Variants in GPR141 observed in about 807,000 individuals in gnomAD.
GPR141 encodes the protein G protein-coupled receptor 141.
Under a neutral mutation model 6.8 loss-of-function variants are expected in GPR141, and 6 were observed. That is an observed-to-expected ratio of 0.88 (90% confidence interval 0.48 to 1.74). The LOEUF is 1.74. Ranked by LOEUF, GPR141 falls within the 40% of genes most tolerant of loss-of-function variation. The pLI, the probability that GPR141 is intolerant of heterozygous loss-of-function variation, is 0.01. For missense variants in GPR141, 372 were observed against 372.9 expected (o/e 1.00, Z 0.02); for synonymous variants, 140 against 142.3 (o/e 0.98, Z 0.11).
At chr7:37,736,532 A>G (rs1192501520) in intron 2 of GPR141, among the ~76,000 whole-genome samples, 6 of 151,068 alleles carry the variant, frequency 4.0e-5, no homozygotes, top group African/African-American at 1.5e-4. Flanking sequence ...GTGCAAAAAA[A>G]TCTTTCTTAA....
chr7:37,736,049 A>G (rs535567363), intron 2 of GPR141, among the ~76,000 whole-genome samples: 2 of 152,144 alleles, frequency 1.3e-5, no homozygotes, highest in Non-Finnish European at 2.9e-5. Context: ...ACTTGAGGTC[A>G]GGAGTTTGAG....
intron 2 of GPR141, among the ~76,000 whole-genome samples, chr7:37,702,134 G>A (rs1167216839): frequency 6.6e-6 from 1 of 151,996 alleles, no homozygotes; most frequent in Non-Finnish European, 1.5e-5. Context: ...TTTAAAACAT[G>A]TCTAAATAAT....
intron 2 of GPR141, among the ~76,000 whole-genome samples, chr7:37,730,749 C>G (rs1487145458): frequency 6.6e-6 from 1 of 152,248 alleles, no homozygotes; most frequent in East Asian, 1.9e-4. Context: ...CAGACATTCT[C>G]TTGGCTTTCC....
chr7:37,708,321 A>C (rs866682926), intron 2 of GPR141, among the ~76,000 whole-genome samples: 2 of 151,072 alleles, frequency 1.3e-5, no homozygotes, highest in African/African-American at 4.9e-5. Flanking sequence ...AAAAAAAAAA[A>C]AAAAAAAAAA....
At chr7:37,712,858 A>G (rs891940537) in intron 2 of GPR141, among the ~76,000 whole-genome samples, 2 of 152,174 alleles carry the variant, frequency 1.3e-5, no homozygotes, top group African/African-American at 4.8e-5. Flanking sequence ...GTGGCTCTGC[A>G]GAGCTCAGCT....
intron 2 of GPR141, among the ~76,000 whole-genome samples, chr7:37,711,163 A>T (rs1810776540): frequency 6.6e-6 from 1 of 152,188 alleles, no homozygotes; most frequent in Non-Finnish European, 1.5e-5. Flanking sequence ...GGTGATCTAA[A>T]TCAATGGTTC....
At chr7:37,695,705 C>G (rs1032906269) in intron 2 of GPR141, among the ~76,000 whole-genome samples, 5 of 152,074 alleles carry the variant, frequency 3.3e-5, no homozygotes, top group African/African-American at 1.2e-4. Flanking sequence ...GTTATTTATT[C>G]ATTGTTTTGT....
At chr7:37,691,757 A>G (rs1002664878) in intron 2 of GPR141, among the ~76,000 whole-genome samples, 2 of 152,030 alleles carry the variant, frequency 1.3e-5, no homozygotes, top group African/African-American at 4.8e-5. Flanking sequence ...AGATGTTTTT[A>G]TCTCCATTTC....
intron 2 of GPR141, among the ~76,000 whole-genome samples, chr7:37,706,416 T>C (rs1055652139): frequency 2.6e-5 from 4 of 152,194 alleles, no homozygotes; most frequent in African/African-American, 9.7e-5. Flanking sequence ...AAAATATTTG[T>C]AAAAGCATTT....
intron 2 of GPR141, among the ~76,000 whole-genome samples, chr7:37,687,347 A>G (rs1809555931): frequency 1.3e-5 from 2 of 152,128 alleles, no homozygotes; most frequent in African/African-American, 4.8e-5. Flanking sequence ...GTAGCTTTGT[A>G]TATAGTTGGT....
At chr7:37,733,471 A>G (rs969087873) in intron 2 of GPR141, among the ~76,000 whole-genome samples, 20 of 152,144 alleles carry the variant, frequency 1.3e-4, no homozygotes, top group Admixed American at 6.5e-4. Context: ...CAGGAGTTCA[A>G]GAAGAGCCTG....
intron 2 of GPR141, among the ~76,000 whole-genome samples, chr7:37,704,860 T>C (rs1810452140): frequency 2.0e-5 from 3 of 152,234 alleles, no homozygotes; most frequent in Admixed American, 6.5e-5. Flanking sequence ...TTTCTACTTA[T>C]TTTTAACTCA....
chr7:37,685,285 T>C (rs1455240999), intron 1 of GPR141, 175 bp from the exon 2 acceptor site: 1 of 152,166 alleles, frequency 6.6e-6, no homozygotes. Flanking sequence ...TCCTCTGAAA[T>C]TGCATGCAAA....
At chr7:37,706,725 T>C (rs1810540653) in intron 2 of GPR141, among the ~76,000 whole-genome samples, 1 of 152,168 alleles carries the variant, frequency 6.6e-6, no homozygotes, top group Admixed American at 6.5e-5. Context: ...AAGGAAAATG[T>C]GTTGATACCA....
At chr7:37,731,223 G>A (rs1353357444) in intron 2 of GPR141, among the ~76,000 whole-genome samples, 2 of 152,162 alleles carry the variant, frequency 1.3e-5, no homozygotes, top group Non-Finnish European at 2.9e-5. Flanking sequence ...TATTGATCCT[G>A]CATACTCATC....
At chr7:37,697,575 G>A (rs1389005421) in intron 2 of GPR141, among the ~76,000 whole-genome samples, 3 of 152,146 alleles carry the variant, frequency 2.0e-5, no homozygotes, top group Non-Finnish European at 2.9e-5. Flanking sequence ...GACCCTGAAT[G>A]CTGTGGTGGT....
intron 2 of GPR141, among the ~76,000 whole-genome samples, chr7:37,714,898 A>T (rs1347273869): frequency 6.6e-6 from 1 of 152,204 alleles, no homozygotes; most frequent in Admixed American, 6.5e-5. Context: ...AAACCCTATG[A>T]GTCCTGATTT....
At chr7:37,731,529 C>T (rs1026239195) in intron 2 of GPR141, among the ~76,000 whole-genome samples, 9 of 152,012 alleles carry the variant, frequency 5.9e-5, no homozygotes, top group African/African-American at 2.2e-4. Flanking sequence ...CTGCAAGCTC[C>T]GCCTCCCGGG....
intron 2 of GPR141, among the ~76,000 whole-genome samples, chr7:37,708,332 A>AAAAC: frequency 6.6e-6 from 1 of 151,264 alleles, no homozygotes; most frequent in South Asian, 2.1e-4. Flanking sequence ...AAAAAAAAAA[A>AAAAC]AAACGCAAAA....
Sources: gnomAD v4.1 joint callset for allele counts (sites outside exome capture counted in the v4.1 genomes callset) on GRCh38, gnomAD v4.1.1 for gene constraint, MANE v1.5 for transcripts, NCBI Gene and HGNC (gene_info 2026-07-23, HGNC 2026-07-21) for gene names.